The following MAGI2 variants were observed in gnomAD, a reference collection of about 807,000 sequenced individuals.
MAGI2 encodes the protein membrane-associated guanylate kinase, WW and PDZ domain-containing protein 2.
In MAGI2, 35 loss-of-function variants were observed where a neutral mutation model predicts 133.3. The ratio of observed to expected loss-of-function variants is 0.26; its 90% CI spans 0.20 to 0.35. MAGI2 has a LOEUF of 0.35. Ranked by LOEUF, MAGI2 falls within the 10% of genes least tolerant of loss-of-function variation. MAGI2 has a pLI of 1.00. For missense variants in MAGI2, 1,636 were observed against 1,863.4 expected (o/e 0.88, Z 2.25); for synonymous variants, 729 against 710.6 (o/e 1.03, Z -0.41).
At chr7:78,552,174 TCC>T (rs1799391208) in intron 3 of MAGI2, among the ~76,000 whole-genome samples, 1 of 146,648 alleles carries the variant, frequency 6.8e-6, no homozygotes, top group African/African-American at 2.5e-5. Flanking sequence ...ACATTTGTTT[TCC>T]TTTTTTTTTT....
intron 21 of MAGI2, among the ~76,000 whole-genome samples, chr7:78,066,159 C>A (rs750974214): frequency 6.6e-6 from 1 of 152,032 alleles, no homozygotes; most frequent in Admixed American, 6.6e-5. Context: ...TAAAACTTTG[C>A]GTATTAAATT....
chr7:78,532,991 G>T (rs1055004952), intron 3 of MAGI2, among the ~76,000 whole-genome samples: 1 of 151,576 alleles, frequency 6.6e-6, no homozygotes, highest in Non-Finnish European at 1.5e-5. Flanking sequence ...GCCCAGGCTG[G>T]AGTGCAGTGG....
chr7:78,614,701 A>G (rs747526354), intron 3 of MAGI2: 7 of 152,182 alleles, frequency 4.6e-5, no homozygotes, highest in Admixed American at 6.5e-5. Context: ...TAATTTGAGT[A>G]TAAATTTGAA....
At chr7:78,538,595 T>G (rs921979325) in intron 3 of MAGI2, among the ~76,000 whole-genome samples, 14 of 152,160 alleles carry the variant, frequency 9.2e-5, no homozygotes, top group Admixed American at 7.2e-4. Flanking sequence ...TGTTGGTGGT[T>G]GTTGTAGCTA....
At chr7:78,655,340 C>T (rs2151024144) in intron 2 of MAGI2, among the ~76,000 whole-genome samples, 1 of 150,750 alleles carries the variant, frequency 6.6e-6, no homozygotes, top group South Asian at 2.1e-4. Context: ...GAAAAGGAGT[C>T]GGTAGAAGCT....
intron 16 of MAGI2, among the ~76,000 whole-genome samples, chr7:78,140,090 C>T (rs1166707589): frequency 6.6e-6 from 1 of 152,124 alleles, no homozygotes; most frequent in Non-Finnish European, 1.5e-5. Context: ...CTTCTGGGAC[C>T]TTGTATAGTC....
At chr7:79,401,058 T>G in intron 1 of MAGI2, among the ~76,000 whole-genome samples, 1 of 152,216 alleles carries the variant, frequency 6.6e-6, no homozygotes, top group East Asian at 1.9e-4. Context: ...ATTTTTATTA[T>G]ATTTAAGTAG....
chr7:79,352,653 A>G (rs1002455964), intron 1 of MAGI2, among the ~76,000 whole-genome samples: 1 of 152,230 alleles, frequency 6.6e-6, no homozygotes, highest in African/African-American at 2.4e-5. Context: ...AATGTCAGGT[A>G]GAATTTAATA....
At chr7:78,860,659 G>T (rs915272964) in intron 2 of MAGI2, among the ~76,000 whole-genome samples, 1 of 152,132 alleles carries the variant, frequency 6.6e-6, no homozygotes, top group Non-Finnish European at 1.5e-5. Flanking sequence ...GCCCCTACTG[G>T]GAGGTGTCTC....
intron 2 of MAGI2, among the ~76,000 whole-genome samples, chr7:78,766,015 T>C (rs888133658): frequency 1.3e-5 from 2 of 152,186 alleles, no homozygotes; most frequent in Non-Finnish European, 1.5e-5. Context: ...TAAACAGCTG[T>C]ACGAATCCAA....
At chr7:78,044,673 T>G (rs1811209568) in intron 21 of MAGI2, among the ~76,000 whole-genome samples, 1 of 115,740 alleles carries the variant, frequency 8.6e-6, no homozygotes, top group Admixed American at 8.3e-5. Context: ...GTGAGGCTAA[T>G]GTACCGTGTG....
intron 9 of MAGI2, among the ~76,000 whole-genome samples, chr7:78,342,344 C>T (rs190753230): frequency 6.6e-6 from 1 of 152,270 alleles, no homozygotes; most frequent in East Asian, 1.9e-4. Context: ...CGAACAAACG[C>T]TTTTACACTG....
intron 1 of MAGI2, among the ~76,000 whole-genome samples, chr7:79,043,508 A>C (rs1459579107): frequency 7.6e-6 from 1 of 131,738 alleles, no homozygotes; most frequent in Non-Finnish European, 1.5e-5. Flanking sequence ...ACACTACTGC[A>C]CTCCAGCCTG....
intron 2 of MAGI2, among the ~76,000 whole-genome samples, chr7:78,805,251 A>C (rs1202182844): frequency 1.3e-5 from 2 of 149,896 alleles, no homozygotes; most frequent in East Asian, 2.0e-4. Flanking sequence ...TTTTTGAAGG[A>C]AGAGTAAAAA....
intron 20 of MAGI2, among the ~76,000 whole-genome samples, chr7:78,112,697 A>G (rs1819472868): frequency 1.3e-5 from 2 of 152,188 alleles, no homozygotes; most frequent in South Asian, 4.1e-4. Flanking sequence ...TCAGCAGTCA[A>G]TATTTACTGA....
chr7:79,214,360 C>CCTCTCTCTCTCT (rs71531163), intron 1 of MAGI2, among the ~76,000 whole-genome samples: 4 of 27,566 alleles, frequency 1.5e-4, no homozygotes, highest in Admixed American at 6.2e-4. Flanking sequence ...GCATTACGCA[C>CCTCTCTCTCTCT]CTCTCTCTCT....
At chr7:78,331,613 T>C (rs531793938) in intron 9 of MAGI2, among the ~76,000 whole-genome samples, 33 of 152,346 alleles carry the variant, frequency 2.2e-4, no homozygotes, top group African/African-American at 7.9e-4. Flanking sequence ...ACTCCTATAC[T>C]ATTAAGTATA....
chr7:79,442,451 A>T (rs1330756580), intron 1 of MAGI2, among the ~76,000 whole-genome samples: 2 of 145,138 alleles, frequency 1.4e-5, no homozygotes, highest in Non-Finnish European at 3.0e-5. Context: ...GTGTTTGAAG[A>T]GTGTGTGTGT....
At chr7:78,944,476 T>C (rs576003267) in intron 2 of MAGI2, among the ~76,000 whole-genome samples, 7 of 152,232 alleles carry the variant, frequency 4.6e-5, no homozygotes, top group African/African-American at 1.2e-4. Context: ...TCAAGTCTAA[T>C]TGTAGTTAAA....
Sources: allele counts gnomAD v4.1 joint callset (sites outside exome capture counted in the v4.1 genomes callset), GRCh38; gene constraint gnomAD v4.1.1; transcripts MANE v1.5; gene names NCBI Gene and HGNC (gene_info 2026-07-23, HGNC 2026-07-21).